The following NUP188 variants were observed in gnomAD, a reference collection of about 807,000 sequenced individuals.
NUP188 encodes the protein nucleoporin NUP188.
A neutral mutation model predicts 223.0 loss-of-function variants in NUP188; 97 were observed. The observed-to-expected ratio is 0.43, with a 90% CI of 0.37 to 0.51. The LOEUF is 0.51. Ranked by LOEUF, NUP188 falls within the 20% of genes least tolerant of loss-of-function variation. NUP188 has a pLI of 0.00. For missense variants in NUP188, 1,947 were observed against 2,175.6 expected (o/e 0.89, Z 2.09); for synonymous variants, 869 against 828.0 (o/e 1.05, Z -0.85).
At position 129,005,711 on chromosome 9, in the gene NUP188, G is replaced by A. The variant is rs766697354; in HGVS notation, c.4804G>A (p.Glu1602Lys). 2 of 1,614,038 alleles carry A rather than the reference G, an allele frequency of 1.2e-6. No homozygotes were observed. The highest frequency in any genetic ancestry group is 1.7e-6 in the Non-Finnish European group (2 of 1,180,006). Residue 1602 changes from glutamate (E) to lysine (K), a missense_variant, in exon 41 of 44, where the codon GAA becomes AAA. Transcript: ENST00000372577. ...LSFTTPTFDS[E>K]VAPSFGTLLA... ...CTTTACCACTCCCACCTTTGACTCC[G>A]AAGTGGCCCCCTCCTTCGGGACCCT...
chr9:128,962,545 G>A (rs942426948), intron 8 of NUP188, among the ~76,000 whole-genome samples: 2 of 151,936 alleles, frequency 1.3e-5, no homozygotes. Context: ...CACTGTGCCC[G>A]GCACACCATA....
At position 129,007,035 on chromosome 9, in the gene NUP188, CTT is replaced by C. The variant is rs374523839; in HGVS notation, c.*359_*360del. The C allele has an allele frequency of 9.7e-6, 2 of 206,440 alleles. No homozygotes were observed. Among genetic ancestry groups the C allele is most frequent in the African/African-American group, 4.6e-5 (2 of 43,274 alleles). 12.8% of individuals were successfully genotyped at this position (206,440 alleles called of 1,614,324 possible). On this transcript the variant is annotated 3_prime_UTR_variant, in exon 44 of 44. Transcript: ENST00000372577. ...TTCAAACCTGTTTTCCACACTCTGTCTTTGCAGTTTTGGTAATTCTGTGGTCT... is the reference window on the plus strand; with the variant it reads ...TTCAAACCTGTTTTCCACACTCTGTCTGCAGTTTTGGTAATTCTGTGGTCT...
rs1210970467 is a variant in NUP188, at chr9:129,005,702, T to G, written c.4795T>G (p.Phe1599Val). The change falls in exon 41 of 44, where the codon TTT (phenylalanine) becomes GTT (valine). Residue 1599 changes from phenylalanine to valine, a missense_variant. By Grantham distance (50) the Phe-to-Val change is conservative. Coordinates refer to ENST00000372577, the MANE Select transcript of NUP188 (RefSeq NM_015354.3). The part of the protein sequence containing the change: ...LFALSFTTPT[F>V]DSEVAPSFGT... ...TGCCCTGAGCTTTACCACTCCCACC[T>G]TTGACTCCGAAGTGGCCCCCTCCTT... The G allele has an allele frequency of 6.2e-7, 1 of 1,614,112 alleles. No individual in the cohort carries two copies. Among genetic ancestry groups the G allele is most frequent in the Non-Finnish European group, 8.5e-7 (1 of 1,179,986 alleles).
chr9:128,994,233 C>T (rs767149582), intron 27 of NUP188, 140 bp from the exon 28 acceptor site: 56 of 650,614 alleles, frequency 8.6e-5, no homozygotes, highest in Admixed American at 4.0e-4. Flanking sequence ...TTCATTTATA[C>T]GGGAACAACT....
At position 128,952,795 on chromosome 9, in the gene NUP188, A is replaced by G; in HGVS notation, c.110A>G (p.Asn37Ser). ...CAGAGTCAGATTGAGGCAGAACTGA[A>G]TAAACATTGGCGGCGATTGTTAGAG... is the stretch of plus-strand genomic sequence containing the variant. ...RELSQIEAEL[N>S]KHWRRLLEGL... is the part of the protein sequence containing the mutation. The change falls in exon 3 of 44, where the codon AAT becomes AGT. Residue 37 changes from asparagine (N) to serine (S), a missense_variant. This residue lies in a region of NUP188 where 817 missense variants were observed against 865.8 expected (regional missense o/e 0.94). Coordinates refer to ENST00000372577, the MANE Select transcript of NUP188 (RefSeq NM_015354.3). 3.1e-6 allele frequency: 5 copies of G among 1,613,774 alleles called. No homozygotes were observed. Among genetic ancestry groups the G allele is most frequent in the African/African-American group, 1.3e-5 (1 of 75,018 alleles).
At chr9:129,003,517 G>A (rs148732827) in intron 38 of NUP188, 63 bp downstream of exon 38, 1 of 1,566,826 alleles carries the variant, frequency 6.4e-7, no homozygotes, top group Non-Finnish European at 8.7e-7. Flanking sequence ...AGGCTGTGAG[G>A]TCTCACTGGG....
At chr9:128,957,277 G>A (rs1247989880) in intron 5 of NUP188, among the ~76,000 whole-genome samples, 1 of 152,102 alleles carries the variant, frequency 6.6e-6, no homozygotes, top group African/African-American at 2.4e-5. Flanking sequence ...GTTTGAGGCT[G>A]CAGTGAACTG....
intron 36 of NUP188, among the ~76,000 whole-genome samples, chr9:129,002,347 G>C (rs145545539): frequency 6.6e-6 from 1 of 152,248 alleles, no homozygotes; most frequent in African/African-American, 2.4e-5. Context: ...ACCAGACCAG[G>C]ACTGGGAGAA....
At chr9:128,968,861 G>A in intron 9 of NUP188, 144 bp downstream of exon 9, 1 of 640,648 alleles carries the variant, frequency 1.6e-6, no homozygotes, top group Admixed American at 2.9e-5. Flanking sequence ...TTTCATGCAG[G>A]GAGTAAAGAC....
At chr9:128,987,031 T>C (rs1258095876) in intron 22 of NUP188, among the ~76,000 whole-genome samples, 156 bp downstream of exon 22, 1 of 151,608 alleles carries the variant, frequency 6.6e-6, no homozygotes, top group Non-Finnish European at 1.5e-5. Flanking sequence ...TTGGCCTGTT[T>C]ATCATTTCTC....
intron 19 of NUP188, among the ~76,000 whole-genome samples, chr9:128,983,808 T>C (rs1383741183): frequency 6.6e-6 from 1 of 151,874 alleles, no homozygotes; most frequent in Non-Finnish European, 1.5e-5. Flanking sequence ...TTTTGTATTA[T>C]TTATGTATTT....
At chr9:128,997,869 C>T (rs938252280) in intron 30 of NUP188, among the ~76,000 whole-genome samples, 26 of 151,772 alleles carry the variant, frequency 1.7e-4, no homozygotes, top group Admixed American at 7.2e-4. Context: ...TACAGGTGCG[C>T]GCCACCATGC....
intron 12 of NUP188, among the ~76,000 whole-genome samples, chr9:128,977,416 AC>A (rs1842191427): frequency 2.6e-5 from 4 of 151,792 alleles, no homozygotes; most frequent in Admixed American, 6.6e-5. Flanking sequence ...ACCGTGCCCG[AC>A]CAGGTACTTG....
chr9:128,962,176 C>G (rs981587644), intron 8 of NUP188, among the ~76,000 whole-genome samples: 7 of 151,872 alleles, frequency 4.6e-5, no homozygotes, highest in African/African-American at 1.7e-4. Flanking sequence ...CTCAGGTGAT[C>G]TGCCTACCTC....
At chr9:128,977,079 A>T (rs1842186428) in intron 12 of NUP188, among the ~76,000 whole-genome samples, 1 of 151,694 alleles carries the variant, frequency 6.6e-6, no homozygotes, top group African/African-American at 2.4e-5. Context: ...TCTCAACAAC[A>T]ACCAAAAAAA....
rs1193631566 is a variant in NUP188, at chr9:128,984,124, A to ATTTTTTTTTTTTTTTT, written c.1961+578_1961+593dup. ...GGCGTGAGCCACCGCGCCTGGCCTG[A>ATTTTTTTTTTTTTTTT]TTTTTTTTTTTTTTTTTTTGAGATG... On this transcript the variant is annotated intron_variant, in intron 19 of 43. Transcript: ENST00000372577. 1.3e-3 allele frequency among the ~76,000 whole-genome samples: 125 copies of ATTTTTTTTTTTTTTTT among 93,042 alleles called. 20 individuals are homozygous for ATTTTTTTTTTTTTTTT. The highest frequency in any genetic ancestry group is 5.8e-3 in the African/African-American group (99 of 16,964). The allele number at this position is 93,042 out of a possible 152,430, so 61.0% of individuals were successfully genotyped here.
At chr9:129,006,202 CTCTGCAGCAGTA>C (rs769867513) in intron 42 of NUP188, 25 bp from the exon 43 acceptor site, 1 of 1,614,138 alleles carries the variant, frequency 6.2e-7, no homozygotes, top group South Asian at 1.1e-5. Flanking sequence ...CAGCCTGGCC[CTCTGCAGCAGTA>C]CCAAAAACCT....
At chr9:128,971,195 C>A (rs1842099986) in intron 11 of NUP188, among the ~76,000 whole-genome samples, 1 of 152,112 alleles carries the variant, frequency 6.6e-6, no homozygotes, top group African/African-American at 2.4e-5. Context: ...GAAATTGAGA[C>A]TCAGAGAGAT....
rs141377370 is a variant in NUP188, at chr9:128,955,437, G to A, written c.162-913G>A. 3.3e-3 allele frequency among the ~76,000 whole-genome samples: 505 copies of A among 152,244 alleles called. 2 individuals are homozygous for A. The highest frequency in any genetic ancestry group is 0.012 in the African/African-American group (490 of 41,552). The stretch of plus-strand genomic sequence containing the variant: ...CACTCCTGCCTTGGCCTCCCAAAGT[G>A]CTGGGATTACAGGCATGAGCCATTG... On this transcript the variant is annotated intron_variant, in intron 3 of 43. Transcript: ENST00000372577.
Sources: gnomAD v4.1 joint callset for allele counts (sites outside exome capture counted in the v4.1 genomes callset) on GRCh38, gnomAD v4.1.1 for gene constraint, gnomAD v4.1.1 regional missense constraint, MANE v1.5 for transcripts, NCBI Gene and HGNC (gene_info 2026-07-23, HGNC 2026-07-21) for gene names.